WARS1: variants seen among roughly 807,000 people sequenced by gnomAD.
The protein encoded by WARS1 is tryptophan--tRNA ligase, cytoplasmic.
A neutral mutation model predicts 47.8 loss-of-function variants in WARS1; 17 were observed. That is an observed-to-expected ratio of 0.36 (90% CI 0.24 to 0.53). The LOEUF is 0.53. Among genes scored for constraint, WARS1 ranks in the 20% least tolerant of loss-of-function variants. The pLI is 0.91. For missense variants in WARS1, 434 were observed against 608.0 expected (o/e 0.71, Z 3.01); for synonymous variants, 208 against 228.1 (o/e 0.91, Z 0.79).
Position 100,353,885 on chromosome 14 carries a change from G to A in WARS1, c.543-16C>T, listed in dbSNP as rs1257446085. The A allele has an allele frequency of 6.2e-7, 1 of 1,609,474 alleles. No individual in the cohort carries two copies. The highest frequency in any genetic ancestry group is 1.3e-5 in the African/African-American group (1 of 74,826). On this transcript the variant is annotated splice_polypyrimidine_tract_variant and intron_variant, in intron 5 of 10. Coordinates refer to ENST00000392882, the MANE Select transcript of WARS1 (RefSeq NM_004184.4). ...CTGGAGCCACCTAAAGAAACACAGG[G>A]GGAGAAAGCTGACGTCTCATCTCCC...
intron 6 of WARS1, among the ~76,000 whole-genome samples, chr14:100,349,529 C>T (rs529472867): frequency 3.3e-5 from 5 of 152,326 alleles, no homozygotes; most frequent in East Asian, 1.9e-4. Context: ...ACACAGCGGA[C>T]GGCCGTCAAG....
intron 1 of WARS1, among the ~76,000 whole-genome samples, chr14:100,371,155 G>C (rs1250413436): frequency 6.6e-6 from 1 of 152,034 alleles, no homozygotes; most frequent in Non-Finnish European, 1.5e-5. Context: ...TGCTTTAAAA[G>C]TACGTAAATT....
At chr14:100,354,005 G>T in intron 5 of WARS1, 136 bp from the exon 6 acceptor site, 1 of 776,414 alleles carries the variant, frequency 1.3e-6, no homozygotes, top group Non-Finnish European at 2.0e-6. Context: ...TTTGAATTGT[G>T]ATATGAATTT....
chr14:100,363,589 C>T (rs1324583394), intron 2 of WARS1, among the ~76,000 whole-genome samples: 1 of 152,002 alleles, frequency 6.6e-6, no homozygotes, highest in East Asian at 1.9e-4. Context: ...CCTAGCTCAT[C>T]GGGAGGCTGA....
intron 7 of WARS1, among the ~76,000 whole-genome samples, chr14:100,345,015 C>A (rs1179198402): frequency 5.8e-4 from 88 of 150,984 alleles, no homozygotes; most frequent in Admixed American, 4.7e-3. Context: ...GTCAGCCCCC[C>A]GCCCGGCCAG....
upstream of WARS1, chr14:100,375,597 AG>A (rs1896610892): frequency 6.6e-6 from 1 of 152,312 alleles, no homozygotes; most frequent in African/African-American, 2.4e-5. Flanking sequence ...TCGAGCCATT[AG>A]CTGGTCATTG....
In WARS1 at chr14:100,334,942, T is replaced by C. The variant is rs1314329360; in HGVS notation, c.1349A>G (p.Lys450Arg). ...TTTCACTATCTCATCCGTGACCTCC[T>C]TGCGCCGGGCCTGGTGCTCTGCGAT... ...PLIAEHQARR[K>R]EVTDEIVKEF... is the part of the protein sequence containing the mutation. Residue 450 changes from lysine to arginine, a missense_variant, in exon 11 of 11, where the codon AAG becomes AGG. Transcript: ENST00000392882. The C allele has an allele frequency of 3.1e-6, 5 of 1,614,116 alleles. No individual in the cohort carries two copies. Among genetic ancestry groups the C allele is most frequent in the African/African-American group, 2.7e-5 (2 of 74,944 alleles).
chr14:100,354,941 G>A (rs894027794), intron 4 of WARS1, among the ~76,000 whole-genome samples: 2 of 152,148 alleles, frequency 1.3e-5, no homozygotes, highest in African/African-American at 4.8e-5. Context: ...CCAGCCCCGA[G>A]GACTCTCAGA....
intron 10 of WARS1, 24 bp from the exon 11 acceptor site, chr14:100,335,060 TGA>T: frequency 6.2e-7 from 1 of 1,608,912 alleles, no homozygotes; most frequent in Non-Finnish European, 8.5e-7. Context: ...GACAGCCACG[TGA>T]GAGATGGCTC....
At position 100,333,896 on chromosome 14, in the gene WARS1, T is replaced by C. The variant is rs1454908864; in HGVS notation, c.*979A>G. 3.3e-5 allele frequency: 5 copies of C among 152,736 alleles called. No individual in the cohort carries two copies. The highest frequency in any genetic ancestry group is 7.3e-5 in the Non-Finnish European group (5 of 68,112). The allele number at this position is 152,736 out of a possible 1,614,324, so 9.5% of individuals were successfully genotyped here. A position where few individuals can be genotyped will look rare whatever the true frequency, so the allele number is the denominator to read the frequency against. ...GGACTTCCCTGAGATTTGGCTTTGC[T>C]CTTCCAGGCCTGCACATGCTGCGTG... On this transcript the variant is annotated 3_prime_UTR_variant, in exon 11 of 11. Coordinates refer to ENST00000392882, the MANE Select transcript of WARS1 (RefSeq NM_004184.4).
intron 9 of WARS1, among the ~76,000 whole-genome samples, chr14:100,338,565 C>A (rs576956730): frequency 1.3e-5 from 2 of 149,072 alleles, no homozygotes; most frequent in African/African-American, 5.0e-5. Context: ...CTGTGCTCAG[C>A]CCCTTAACTT....
At chr14:100,346,568 C>T (rs1894631782) in intron 7 of WARS1, among the ~76,000 whole-genome samples, 178 bp downstream of exon 7, 1 of 152,234 alleles carries the variant, frequency 6.6e-6, no homozygotes, top group South Asian at 2.1e-4. Flanking sequence ...ATGCATTACA[C>T]TAGCTAGTCA....
Position 100,335,611 on chromosome 14 carries a change from C to T in WARS1, c.1255-575G>A, listed in dbSNP as rs938321768. Among the ~76,000 whole-genome samples, 20 of 152,192 alleles carry T rather than the reference C, an allele frequency of 1.3e-4. 1 individual carries two copies. The highest frequency in any genetic ancestry group is 2.1e-4 in the South Asian group (1 of 4,822). ...CAGGCTGGTCTCGATCTCCTGACCTCGTGATCCACTCCCCCCACCTGCCTC... is the reference window on the plus strand; with the variant it reads ...CAGGCTGGTCTCGATCTCCTGACCTTGTGATCCACTCCCCCCACCTGCCTC... On this transcript the variant is annotated intron_variant, in intron 10 of 10. Coordinates refer to ENST00000392882, the MANE Select transcript of WARS1 (RefSeq NM_004184.4).
chr14:100,335,840 T>C (rs543865936), intron 10 of WARS1, among the ~76,000 whole-genome samples: 3 of 152,264 alleles, frequency 2.0e-5, no homozygotes, highest in African/African-American at 7.2e-5. Context: ...CCGCTAACAT[T>C]TGGTAGATTT....
chr14:100,338,579 T>C (rs1337237363), intron 9 of WARS1, among the ~76,000 whole-genome samples: 1 of 151,618 alleles, frequency 6.6e-6, no homozygotes, highest in Non-Finnish European at 1.5e-5. Flanking sequence ...TTAACTTTTT[T>C]TTTTGTCACC....
intron 9 of WARS1, 70 bp from the exon 10 acceptor site, chr14:100,337,272 C>T (rs1466912064): frequency 1.9e-6 from 3 of 1,576,432 alleles, no homozygotes; most frequent in East Asian, 2.3e-5. Context: ...TGGCTAGAAG[C>T]CCAAGTGTGG....
At chr14:100,342,858 A>G (rs570044805) in intron 8 of WARS1, among the ~76,000 whole-genome samples, 1 of 151,010 alleles carries the variant, frequency 6.6e-6, no homozygotes, top group East Asian at 2.0e-4. Context: ...TGCATTAGGT[A>G]TTTGTCCTAA....
At chr14:100,371,455 A>AAAAAAAAAAAAAAAAAAAAAG (rs1896346403) in intron 1 of WARS1, among the ~76,000 whole-genome samples, 1 of 64,372 alleles carries the variant, frequency 1.6e-5, no homozygotes, top group Non-Finnish European at 2.8e-5. Context: ...CTCAAAAAAA[A>AAAAAAAAAAAAAAAAAAAAAG]AAAAAAAAAA....
intron 6 of WARS1, among the ~76,000 whole-genome samples, chr14:100,347,813 G>A (rs1475521830): frequency 2.0e-5 from 3 of 152,178 alleles, no homozygotes; most frequent in African/African-American, 7.2e-5. Flanking sequence ...CTGACCTCAG[G>A]TGATCCACCT....
Sources: allele counts gnomAD v4.1 joint callset (sites outside exome capture counted in the v4.1 genomes callset), GRCh38; gene constraint gnomAD v4.1.1; transcripts MANE v1.5; gene names NCBI Gene and HGNC (gene_info 2026-07-23, HGNC 2026-07-21).